Variants in CTDP1 observed in about 807,000 individuals in gnomAD.
CTDP1 encodes RNA polymerase II subunit A C-terminal domain phosphatase.
CTDP1 carries 47 observed loss-of-function variants against 91.8 expected under a neutral mutation model. The observed-to-expected ratio is 0.51, with a 90% CI of 0.41 to 0.65. The LOEUF (loss-of-function observed/expected upper bound fraction) is 0.65, where lower values mean the gene tolerates loss of function less well. CTDP1 is among the 30% of genes least tolerant of loss of function. CTDP1 has a pLI of 0.00. For missense variants in CTDP1, 1,272 were observed against 1,373.7 expected, an observed-to-expected ratio of 0.93 and a Z score of 1.17; for synonymous variants, 656 against 598.5, an observed-to-expected ratio of 1.10 and a Z score of -1.40.
intron 1 of CTDP1, chr18:79,681,518 G>T: frequency 2.0e-6 from 2 of 984,328 alleles, no homozygotes; most frequent in Non-Finnish European, 2.4e-6. Context: ...GCCTAGACAG[G>T]TGAGTAACTT....
At chr18:79,751,390 C>T (rs925218406) in intron 12 of CTDP1, among the ~76,000 whole-genome samples, 1 of 152,146 alleles carries the variant, frequency 6.6e-6, no homozygotes, top group Non-Finnish European at 1.5e-5. Context: ...CATCCTACGG[C>T]CCAGTGCCTG....
chr18:79,742,820 T>C (rs2086806174), intron 12 of CTDP1, among the ~76,000 whole-genome samples: 1 of 152,088 alleles, frequency 6.6e-6, no homozygotes, highest in African/African-American at 2.4e-5. Context: ...TAGCTGGGCA[T>C]GGTGGTGCAC....
At chr18:79,697,512 C>T (rs1482544995) in intron 3 of CTDP1, among the ~76,000 whole-genome samples, 1 of 152,236 alleles carries the variant, frequency 6.6e-6, no homozygotes, top group Admixed American at 6.5e-5. Flanking sequence ...GGCCACCCAG[C>T]GTCTCCCAGC....
rs751498316 is a variant in CTDP1, at chr18:79,753,754, C to T, written c.2850C>T (p.Ala950=). Residue 950 remains alanine (A), a synonymous_variant, in exon 13 of 13, where the codon GCC becomes GCT. Transcript: ENST00000613122. ...EGSSSEADEM[A]KALEAELNDL... is the part of the protein sequence containing the mutation. ...GCAGCTCCGAGGCCGACGAGATGGC[C>T]AAGGCGCTGGAGGCGGAGCTCAACG... 1.9e-6 allele frequency: 3 copies of T among 1,613,810 alleles called. No individual in the cohort carries two copies. The highest frequency in any genetic ancestry group is 2.2e-5 in the East Asian group (1 of 44,860).
intron 1 of CTDP1, among the ~76,000 whole-genome samples, chr18:79,690,574 C>T (rs1053884040): frequency 2.6e-5 from 4 of 152,214 alleles, no homozygotes; most frequent in African/African-American, 9.6e-5. Flanking sequence ...GGGCTTTTCA[C>T]CCCTGTTTTC....
chr18:79,694,714 C>G (rs2085711942), intron 1 of CTDP1, among the ~76,000 whole-genome samples: 1 of 152,188 alleles, frequency 6.6e-6, no homozygotes, highest in South Asian at 2.1e-4. Context: ...AGCACTTCTT[C>G]CATGGCTTCT....
upstream of CTDP1, chr18:79,679,134 G>A: frequency 3.5e-6 from 1 of 286,428 alleles, no homozygotes; most frequent in Non-Finnish European, 6.9e-6. Context: ...CCGATTTTCT[G>A]AACCAACCAG....
chr18:79,745,307 C>T lies in CTDP1; in HGVS notation c.2748-8345C>T, dbSNP rs376622322. The stretch of plus-strand genomic sequence containing the variant: ...TCTGTCCCTGCGTCCCTCCCGTGCG[C>T]GTTCTGTCCCTGCGTCCCTCCCGTG... On this transcript the variant is annotated intron_variant, in intron 12 of 12. Transcript: ENST00000613122. Among the ~76,000 whole-genome samples the T allele has an allele frequency of 4.9e-3, 331 of 68,060 alleles. 3 individuals are homozygous for T. The highest frequency in any genetic ancestry group is 0.017 in the African/African-American group (309 of 17,850). 44.7% of individuals were successfully genotyped at this position (68,060 alleles called of 152,430 possible). A position where few individuals can be genotyped will look rare whatever the true frequency, so the allele number is the denominator to read the frequency against.
At chr18:79,697,809 T>C (rs765889953) in intron 3 of CTDP1, 51 bp from the exon 4 acceptor site, 1 of 1,613,212 alleles carries the variant, frequency 6.2e-7, no homozygotes, top group South Asian at 1.1e-5. Flanking sequence ...GAGTTTTACC[T>C]TGGATGCAAA....
intron 1 of CTDP1, among the ~76,000 whole-genome samples, chr18:79,692,278 C>T (rs2085641821): frequency 6.6e-6 from 1 of 152,062 alleles, no homozygotes; most frequent in Non-Finnish European, 1.5e-5. Flanking sequence ...GAAGGTGCCC[C>T]CCGCCCGCCA....
upstream of CTDP1, chr18:79,679,650 A>C: frequency 4.0e-6 from 2 of 502,036 alleles, no homozygotes; most frequent in Non-Finnish European, 3.9e-6. Flanking sequence ...CTCCGAGGAA[A>C]AGTAGGTAGG....
At position 79,729,593 on chromosome 18, in the gene CTDP1, G is replaced by C. The variant is rs527795694; in HGVS notation, c.2580+524G>C. ...TCACAGCGCGAAACAACTTTAGGCA[G>C]CATCGGTGGAGCTGGGGTTTTCTCA... On this transcript the variant is annotated intron_variant, in intron 11 of 12. Coordinates refer to ENST00000613122, the MANE Select transcript of CTDP1 (RefSeq NM_004715.5). 4.6e-5 allele frequency among the ~76,000 whole-genome samples: 7 copies of C among 152,366 alleles called. No individual in the cohort carries two copies. In the East Asian group the frequency reaches 1.2e-3, roughly 25 times the overall value.
chr18:79,729,118 C>T (rs375657837), intron 11 of CTDP1, 49 bp downstream of exon 11: 2 of 1,609,664 alleles, frequency 1.2e-6, no homozygotes, highest in African/African-American at 2.7e-5. Flanking sequence ...CGTGCTGGGG[C>T]CGCAGAGCTC....
chr18:79,729,111 G>A (rs769705177), intron 11 of CTDP1, 42 bp downstream of exon 11: 7 of 1,610,780 alleles, frequency 4.3e-6, no homozygotes, highest in Non-Finnish European at 5.9e-6. Flanking sequence ...CAGCGCTCGT[G>A]CTGGGGCCGC....
At chr18:79,696,145 C>G (rs1305521950) in intron 3 of CTDP1, 75 bp downstream of exon 3, 1 of 1,308,630 alleles carries the variant, frequency 7.6e-7, no homozygotes, top group Non-Finnish European at 1.1e-6. Flanking sequence ...AGGAGGGTGG[C>G]TGCAGAAGCA....
Position 79,727,313 on chromosome 18 carries a change from A to G in CTDP1, c.2418-1594A>G, listed in dbSNP as rs181498002. Among the ~76,000 whole-genome samples, 94 of 152,324 alleles carry G rather than the reference A, an allele frequency of 6.2e-4. 1 individual carries two copies. The highest frequency in any genetic ancestry group is 1.0e-3 in the Non-Finnish European group (70 of 68,022). On this transcript the variant is annotated intron_variant, in intron 10 of 12. Transcript: ENST00000613122. The stretch of plus-strand genomic sequence containing the variant: ...TGTACGTACATGGGTGTTTCAGCCA[A>G]ATGCAGGTGGGAAGCACAGCGTTCG...
intron 10 of CTDP1, among the ~76,000 whole-genome samples, chr18:79,720,255 C>T (rs1478932680): frequency 3.1e-5 from 4 of 131,058 alleles, no homozygotes; most frequent in African/African-American, 1.2e-4. Flanking sequence ...CTGGTGATGT[C>T]ACCTCCCATC....
intron 2 of CTDP1, 93 bp downstream of exon 2, chr18:79,695,401 G>A (rs915646433): frequency 6.8e-6 from 8 of 1,183,678 alleles, no homozygotes; most frequent in African/African-American, 1.5e-5. Context: ...ACACAGTGAG[G>A]CCCTTGGTTT....
At chr18:79,750,425 T>C (rs984377362) in intron 12 of CTDP1, among the ~76,000 whole-genome samples, 2 of 152,046 alleles carry the variant, frequency 1.3e-5, no homozygotes, top group African/African-American at 4.8e-5. Flanking sequence ...TTCATTCCAG[T>C]TGACATAAAA....
Sources: gnomAD v4.1 joint callset for allele counts (sites outside exome capture counted in the v4.1 genomes callset) on GRCh38, gnomAD v4.1.1 for gene constraint, MANE v1.5 for transcripts, NCBI Gene and HGNC (gene_info 2026-07-23, HGNC 2026-07-21) for gene names.